XYLT1: variants seen among roughly 807,000 people sequenced by gnomAD.
XYLT1 encodes xylosyltransferase 1.
In XYLT1, 36 loss-of-function variants were observed where a neutral mutation model predicts 91.3. The observed-to-expected ratio is 0.39, with a 90% CI of 0.30 to 0.52. The LOEUF is 0.52. XYLT1 is among the 20% of genes least tolerant of loss of function. XYLT1 has a pLI of 0.68. For synonymous variants in XYLT1, 588 were observed against 532.0 expected, an observed-to-expected ratio of 1.11 and a Z score of -1.45; for missense variants, 1,242 against 1,284.5, an observed-to-expected ratio of 0.97 and a Z score of 0.51.
intron 2 of XYLT1, among the ~76,000 whole-genome samples, chr16:17,270,092 C>T (rs919833633): frequency 3.3e-5 from 5 of 152,172 alleles, no homozygotes; most frequent in East Asian, 1.9e-4. Flanking sequence ...GGATTACAGG[C>T]GTGGGCCACC....
chr16:17,216,721 G>A (rs1031064754), intron 3 of XYLT1, among the ~76,000 whole-genome samples: 1 of 152,188 alleles, frequency 6.6e-6, no homozygotes, highest in African/African-American at 2.4e-5. Context: ...GGGAAACTGA[G>A]GCAGACAGAA....
chr16:17,348,382 G>A (rs1466195451), intron 2 of XYLT1, among the ~76,000 whole-genome samples: 1 of 152,146 alleles, frequency 6.6e-6, no homozygotes, highest in African/African-American at 2.4e-5. Context: ...TCCATGTCAA[G>A]TATAAAGATG....
chr16:17,250,010 C>T (rs1596448077), intron 3 of XYLT1: 1 of 152,420 alleles, frequency 6.6e-6, no homozygotes, highest in East Asian at 1.9e-4. Context: ...CCCACCTCAC[C>T]TGTCCTCTCA....
At chr16:17,324,888 T>C (rs1261496828) in intron 2 of XYLT1, among the ~76,000 whole-genome samples, 1 of 152,132 alleles carries the variant, frequency 6.6e-6, no homozygotes, top group Non-Finnish European at 1.5e-5. Context: ...TGTTATAAAA[T>C]ACTCATGAAA....
At position 17,121,058 on chromosome 16, in the gene XYLT1, T is replaced by C. The variant is rs76062970; in HGVS notation, c.2224-3079A>G. 7.7e-3 allele frequency among the ~76,000 whole-genome samples: 1,175 copies of C among 152,300 alleles called. 18 individuals are homozygous for C. Among genetic ancestry groups the C allele is most frequent in the African/African-American group, 0.026 (1,066 of 41,562 alleles). The stretch of plus-strand genomic sequence containing the variant: ...TGTCTATCAATCTATCTTGAACACA[T>C]ATTGAATGAGTAGGGGCTGAACACA... On this transcript the variant is annotated intron_variant, in intron 10 of 11. Coordinates refer to ENST00000261381, the MANE Select transcript of XYLT1 (RefSeq NM_022166.4).
chr16:17,450,939 G>A (rs2036657765), intron 1 of XYLT1, among the ~76,000 whole-genome samples: 1 of 152,198 alleles, frequency 6.6e-6, no homozygotes, highest in African/African-American at 2.4e-5. Flanking sequence ...GAGAAGTTCC[G>A]AGTTGGGGAC....
chr16:17,398,596 T>C (rs1052106646), intron 1 of XYLT1, among the ~76,000 whole-genome samples: 7 of 152,180 alleles, frequency 4.6e-5, no homozygotes, highest in Admixed American at 2.6e-4. Context: ...TCAAAATGTA[T>C]TGCCTCCCAT....
chr16:17,103,375 C>T lies in XYLT1; in HGVS notation c.*5320G>A, dbSNP rs1039263648. On this transcript the variant is annotated 3_prime_UTR_variant, in exon 12 of 12. Coordinates refer to ENST00000261381, the MANE Select transcript of XYLT1 (RefSeq NM_022166.4). ...GATGAGCACCCAAGCCTTCATTTTG[C>T]CCATAGGAAAAATATAAGAACATTT... 2.0e-5 allele frequency: 3 copies of T among 152,450 alleles called. No individual in the cohort carries two copies. The highest frequency in any genetic ancestry group is 1.9e-4 in the East Asian group (1 of 5,190). The allele number at this position is 152,450 out of a possible 1,614,324, so 9.4% of individuals were successfully genotyped here.
chr16:17,309,080 A>G (rs1240115814), intron 2 of XYLT1, among the ~76,000 whole-genome samples: 1 of 152,182 alleles, frequency 6.6e-6, no homozygotes, highest in Non-Finnish European at 1.5e-5. Context: ...CGCCTAATGC[A>G]AAGTAGGAGA....
chr16:17,379,742 C>CTG, intron 1 of XYLT1, among the ~76,000 whole-genome samples: 1 of 130,868 alleles, frequency 7.6e-6, no homozygotes, highest in African/African-American at 3.2e-5. Context: ...CTCTCTCTCT[C>CTG]TCTCTCTCTC....
Position 17,385,070 on chromosome 16 carries a change from C to T in XYLT1, c.364-27020G>A, listed in dbSNP as rs187438194. On this transcript the variant is annotated intron_variant, in intron 1 of 11. Coordinates refer to ENST00000261381, the MANE Select transcript of XYLT1 (RefSeq NM_022166.4). ...TGAAGGAGGTAAAAGCTGCTCACAG[C>T]CTGACAGTTCTCTGCATTTACTCCC... 4.5e-4 allele frequency among the ~76,000 whole-genome samples: 69 copies of T among 151,830 alleles called. 1 individual carries two copies. Among genetic ancestry groups the T allele is most frequent in the Non-Finnish European group, 1.2e-4 (8 of 68,018 alleles).
intron 1 of XYLT1, among the ~76,000 whole-genome samples, chr16:17,419,363 T>C (rs922384066): frequency 1.3e-5 from 2 of 151,526 alleles, no homozygotes; most frequent in African/African-American, 4.9e-5. Context: ...CAAAAAAAGA[T>C]AGACTGCTCT....
intron 1 of XYLT1, among the ~76,000 whole-genome samples, chr16:17,434,186 C>T (rs1162558880): frequency 6.6e-6 from 1 of 152,180 alleles, no homozygotes; most frequent in East Asian, 1.9e-4. Context: ...GCCCTGGAAC[C>T]AACCTTTGCA....
At chr16:17,438,060 A>G (rs1458089481) in intron 1 of XYLT1, among the ~76,000 whole-genome samples, 4 of 152,228 alleles carry the variant, frequency 2.6e-5, no homozygotes. Flanking sequence ...GGAAAAGACG[A>G]AAACCTTTCC....
At chr16:17,158,776 ATCAC>A in intron 6 of XYLT1, 49 bp downstream of exon 6, 1 of 1,590,618 alleles carries the variant, frequency 6.3e-7, no homozygotes, top group African/African-American at 1.3e-5. Context: ...TCCCCAAATG[ATCAC>A]TCAGATTTTC....
intron 5 of XYLT1, among the ~76,000 whole-genome samples, chr16:17,184,163 GAAA>G (rs2032129496): frequency 7.4e-6 from 1 of 134,980 alleles, no homozygotes; most frequent in Admixed American, 7.6e-5. Flanking sequence ...GGCCACCGGA[GAAA>G]AAGTCACATA....
intron 2 of XYLT1, among the ~76,000 whole-genome samples, chr16:17,325,167 G>A (rs1596482737): frequency 6.6e-6 from 1 of 152,316 alleles, no homozygotes; most frequent in East Asian, 1.9e-4. Context: ...GGAGGCTGAG[G>A]TGGGCAGATT....
intron 1 of XYLT1, among the ~76,000 whole-genome samples, chr16:17,427,569 C>T (rs562029568): frequency 6.6e-6 from 1 of 152,202 alleles, no homozygotes; most frequent in Non-Finnish European, 1.5e-5. Context: ...CAGGCGTGAA[C>T]CATCACTCCC....
At chr16:17,190,450 C>T (rs919703008) in intron 5 of XYLT1, among the ~76,000 whole-genome samples, 2 of 130,572 alleles carry the variant, frequency 1.5e-5, no homozygotes, top group African/African-American at 5.8e-5. Flanking sequence ...CCCCCTCCCC[C>T]CACCCCACAA....
Sources: gnomAD v4.1 joint callset for allele counts (sites outside exome capture counted in the v4.1 genomes callset) on GRCh38, gnomAD v4.1.1 for gene constraint, MANE v1.5 for transcripts, NCBI Gene and HGNC (gene_info 2026-07-23, HGNC 2026-07-21) for gene names.